Variants in FHIT observed in about 807,000 individuals in gnomAD.
The protein encoded by FHIT is fragile histidine triad diadenosine triphosphatase.
Under a neutral mutation model 17.9 loss-of-function variants are expected in FHIT, and 19 were observed. The ratio of observed to expected loss-of-function variants is 1.06; its 90% CI spans 0.74 to 1.56. The LOEUF (loss-of-function observed/expected upper bound fraction) is 1.56. FHIT is among the 40% of genes most tolerant of loss of function. The pLI, the probability that FHIT is intolerant of heterozygous loss-of-function variation, is 0.00. For missense variants in FHIT, 248 were observed against 189.2 expected (o/e 1.31, Z -1.82); for synonymous variants, 81 against 69.7 (o/e 1.16, Z -0.81).
chr3:60,223,647 C>G (rs565629912), intron 5 of FHIT, among the ~76,000 whole-genome samples: 14 of 152,248 alleles, frequency 9.2e-5, no homozygotes, highest in African/African-American at 2.9e-4. Context: ...TACCATTAGA[C>G]TTTTATTTTC....
rs1243873197 is a variant in FHIT, at chr3:60,879,950, G to C, written c.-110-57939C>G. ...TATGGCAGTTCCAGAAGGAAAAGAT[G>C]TATTAAAAAAAAAACCTAATTTAAT... On this transcript the variant is annotated intron_variant, in intron 3 of 9. Transcript: ENST00000492590. 2.8e-5 allele frequency among the ~76,000 whole-genome samples: 4 copies of C among 140,380 alleles called. No individual in the cohort carries two copies. The East Asian group carries it at 7.8e-4, about 27-fold the overall frequency. The allele number at this position is 140,380 out of a possible 152,430, so 92.1% of individuals were successfully genotyped here. A position where few individuals can be genotyped will look rare whatever the true frequency, so the allele number is the denominator to read the frequency against.
chr3:60,449,957 C>A (rs394261), intron 5 of FHIT, among the ~76,000 whole-genome samples: 54,385 of 139,864 alleles, frequency 0.39, 11,327 homozygotes, highest in African/African-American at 0.56. Flanking sequence ...AAACCGAGAT[C>A]GGGGCACTGC....
chr3:60,323,269 A>C (rs1312481736), intron 5 of FHIT, among the ~76,000 whole-genome samples: 2 of 152,076 alleles, frequency 1.3e-5, no homozygotes, highest in Non-Finnish European at 2.9e-5. Context: ...TATCTACATA[A>C]CGTCAAGCGT....
chr3:60,569,756 T>TA (rs1491532042), intron 4 of FHIT, among the ~76,000 whole-genome samples: 528 of 28,536 alleles, frequency 0.019, no homozygotes, highest in Non-Finnish European at 0.024. Flanking sequence ...TATATATATA[T>TA]TTTTTTTTTT....
chr3:61,005,902 A>AAATGGCCCCTCTC (rs1175328624), intron 3 of FHIT, among the ~76,000 whole-genome samples: 1 of 152,198 alleles, frequency 6.6e-6, no homozygotes, highest in East Asian at 1.9e-4. Flanking sequence ...CCAGAAGTGG[A>AAATGGCCCCTCTC]AATGGCCCCT....
At position 60,210,698 on chromosome 3, in the gene FHIT, A is replaced by G. The variant is rs186690719; in HGVS notation, c.104-196546T>C. The stretch of plus-strand genomic sequence containing the variant: ...AAATGCAATCGAAAACAATACTAAT[A>G]TAACATTCCTCACCTATCTGACAGG... On this transcript the variant is annotated intron_variant, in intron 5 of 9. Transcript: ENST00000492590. 2.0e-3 allele frequency among the ~76,000 whole-genome samples: 305 copies of G among 152,298 alleles called. 7 individuals are homozygous for G. The East Asian group carries it at 0.047, about 23-fold the overall frequency.
At chr3:60,041,953 T>C (rs1376927632) in intron 5 of FHIT, among the ~76,000 whole-genome samples, 1 of 152,236 alleles carries the variant, frequency 6.6e-6, no homozygotes, top group Non-Finnish European at 1.5e-5. Flanking sequence ...GTTTAGCTTT[T>C]TGGAAAAATC....
intron 2 of FHIT, among the ~76,000 whole-genome samples, chr3:61,073,093 A>C (rs1056702637): frequency 8.5e-5 from 13 of 152,144 alleles, no homozygotes; most frequent in African/African-American, 3.1e-4. Flanking sequence ...CCTTCTAAAA[A>C]AAACAAAATC....
chr3:60,597,638 A>G (rs1484341051), intron 4 of FHIT, among the ~76,000 whole-genome samples: 1 of 152,158 alleles, frequency 6.6e-6, no homozygotes, highest in Admixed American at 6.6e-5. Context: ...AATGCCAAGG[A>G]AATGTCAGGG....
intron 5 of FHIT, among the ~76,000 whole-genome samples, chr3:60,449,999 C>CAAAAAAAAA: frequency 1.5e-5 from 1 of 65,080 alleles, no homozygotes; most frequent in Non-Finnish European, 2.9e-5. Flanking sequence ...TAGACTCTGT[C>CAAAAAAAAA]AAAAAAAAAA....
intron 5 of FHIT, among the ~76,000 whole-genome samples, chr3:60,169,850 G>A (rs1701341147): frequency 6.6e-6 from 1 of 152,158 alleles, no homozygotes. Context: ...TCCCGGGAGG[G>A]AGGAGGTAGA....
intron 5 of FHIT, among the ~76,000 whole-genome samples, chr3:60,355,553 TC>T (rs1214324314): frequency 3.3e-5 from 5 of 152,138 alleles, no homozygotes; most frequent in Non-Finnish European, 7.4e-5. Context: ...TTTTTAATGT[TC>T]CTAAATGAAA....
chr3:60,170,599 T>A (rs968173157), intron 5 of FHIT, among the ~76,000 whole-genome samples: 2 of 152,190 alleles, frequency 1.3e-5, no homozygotes, highest in East Asian at 1.9e-4. Context: ...ATAATTTTTT[T>A]AATGATTATT....
At chr3:60,454,522 C>G (rs148382885) in intron 5 of FHIT, among the ~76,000 whole-genome samples, 29,107 of 151,396 alleles carry the variant, frequency 0.19, 2,948 homozygotes, top group Admixed American at 0.29. Flanking sequence ...GTAGCTGGGA[C>G]TACAGGCACC....
At chr3:60,084,051 T>G (rs995426008) in intron 5 of FHIT, among the ~76,000 whole-genome samples, 1 of 152,218 alleles carries the variant, frequency 6.6e-6, no homozygotes, top group Non-Finnish European at 1.5e-5. Flanking sequence ...ATCACACTTT[T>G]TATAGCAATA....
intron 2 of FHIT, among the ~76,000 whole-genome samples, chr3:61,128,115 G>C (rs2036663300): frequency 6.6e-6 from 1 of 152,108 alleles, no homozygotes; most frequent in South Asian, 2.1e-4. Context: ...GGGATCTGAA[G>C]AGAAAAATCA....
chr3:60,537,027 A>C, intron 4 of FHIT, 48 bp from the exon 5 acceptor site: 2 of 1,528,534 alleles, frequency 1.3e-6, no homozygotes, highest in Non-Finnish European at 1.8e-6. Flanking sequence ...TAAGAAACTC[A>C]GTTCATATAC....
At chr3:60,944,877 A>G (rs1235594899) in intron 3 of FHIT, among the ~76,000 whole-genome samples, 3 of 152,204 alleles carry the variant, frequency 2.0e-5, no homozygotes, top group Middle Eastern at 3.2e-3. Context: ...TATCAAATAT[A>G]TGTTAAATAC....
chr3:60,613,140 T>G (rs2038836787), intron 4 of FHIT, among the ~76,000 whole-genome samples: 1 of 152,206 alleles, frequency 6.6e-6, no homozygotes, highest in South Asian at 2.1e-4. Context: ...ATGCTTGACT[T>G]TTTCTTCCTC....
Sources: allele counts gnomAD v4.1 joint callset (sites outside exome capture counted in the v4.1 genomes callset), GRCh38; gene constraint gnomAD v4.1.1; transcripts MANE v1.5; gene names NCBI Gene and HGNC (gene_info 2026-07-23, HGNC 2026-07-21).